CDC14A: variants seen among roughly 807,000 people sequenced by gnomAD.
CDC14A encodes dual specificity protein phosphatase CDC14A.
CDC14A carries 53 observed loss-of-function variants against 74.4 expected under a neutral mutation model. The ratio of observed to expected loss-of-function variants is 0.71; its 90% confidence interval spans 0.57 to 0.89. The LOEUF (loss-of-function observed/expected upper bound fraction) is 0.89, where lower values mean the gene tolerates loss of function less well. Ranked by LOEUF, CDC14A falls within the 40% of genes least tolerant of loss-of-function variation. CDC14A has a pLI of 0.00. For synonymous variants in CDC14A, 247 were observed against 258.4 expected, an observed-to-expected ratio of 0.96 and a Z score of 0.43; for missense variants, 646 against 713.7, an observed-to-expected ratio of 0.91 and a Z score of 1.08.
intron 8 of CDC14A, among the ~76,000 whole-genome samples, chr1:100,459,086 AACAC>A (rs751247467): frequency 1.0e-4 from 13 of 129,236 alleles, no homozygotes; most frequent in Non-Finnish European, 1.6e-4. Context: ...CTTCTATTTA[AACAC>A]ACACACACAC....
chr1:100,368,847 G>T (rs1431648155), intron 2 of CDC14A, among the ~76,000 whole-genome samples: 3 of 152,086 alleles, frequency 2.0e-5, no homozygotes, highest in African/African-American at 7.2e-5. Flanking sequence ...TGCGGTATTT[G>T]GTTTTCTATT....
intron 3 of CDC14A, among the ~76,000 whole-genome samples, chr1:100,385,097 A>G (rs1656656860): frequency 6.6e-6 from 1 of 152,226 alleles, no homozygotes; most frequent in African/African-American, 2.4e-5. Flanking sequence ...ATGCTTTTAA[A>G]AGGCTTATTG....
At chr1:100,356,410 G>A (rs1381801001) in intron 2 of CDC14A, among the ~76,000 whole-genome samples, 1 of 151,906 alleles carries the variant, frequency 6.6e-6, no homozygotes, top group South Asian at 2.1e-4. Flanking sequence ...AGAGAAGCTG[G>A]GTCACTTGCC....
chr1:100,514,999 G>A (rs1650068406), intron 15 of CDC14A, among the ~76,000 whole-genome samples: 1 of 152,142 alleles, frequency 6.6e-6, no homozygotes, highest in African/African-American at 2.4e-5. Context: ...TACAATACAT[G>A]GACATTTGGA....
intron 4 of CDC14A, among the ~76,000 whole-genome samples, chr1:100,413,625 A>G (rs566217283): frequency 6.6e-5 from 10 of 152,312 alleles, no homozygotes; most frequent in Middle Eastern, 3.4e-3. Flanking sequence ...AGCAACCCCC[A>G]CAAGTTTGGT....
At chr1:100,455,579 T>C in intron 8 of CDC14A, 87 bp downstream of exon 8, 2 of 788,938 alleles carry the variant, frequency 2.5e-6, no homozygotes, top group South Asian at 3.3e-5. Context: ...TTATTTTCTT[T>C]GGTAATATTC....
intron 4 of CDC14A, among the ~76,000 whole-genome samples, chr1:100,413,787 G>C (rs1661179690): frequency 6.6e-6 from 1 of 152,112 alleles, no homozygotes; most frequent in Non-Finnish European, 1.5e-5. Context: ...CCTCAGATTT[G>C]AAATCAGCTG....
At chr1:100,402,403 C>T (rs1317378046) in intron 4 of CDC14A, among the ~76,000 whole-genome samples, 4 of 152,144 alleles carry the variant, frequency 2.6e-5, no homozygotes, top group African/African-American at 4.8e-5. Flanking sequence ...AGAATATATA[C>T]AGAAACTGAA....
Position 100,498,646 on chromosome 1 carries a change from CTG to C in CDC14A, c.1422-280_1422-279del, listed in dbSNP as rs568892187. Among the ~76,000 whole-genome samples, 945 of 152,208 alleles carry C rather than the reference CTG, an allele frequency of 6.2e-3. 7 individuals carry two copies. The highest frequency in any genetic ancestry group is 9.8e-3 in the Non-Finnish European group (665 of 68,014). On this transcript the variant is annotated intron_variant, in intron 14 of 15. Coordinates refer to ENST00000336454, the MANE Select transcript of CDC14A (RefSeq NM_003672.4). ...TTCCCACCCCAGGGTAAATAAAACT[CTG>C]TGATGTTCTATTTCAAGATCTGTAG... is the stretch of plus-strand genomic sequence containing the variant.
At chr1:100,381,010 C>CGTTGATGAAT (rs1340231605) in intron 3 of CDC14A, among the ~76,000 whole-genome samples, 10 of 152,186 alleles carry the variant, frequency 6.6e-5, no homozygotes, top group Admixed American at 6.5e-4. Context: ...CTGTGCAGAT[C>CGTTGATGAAT]TGTATCGTTG....
chr1:100,457,482 A>G (rs1666825550), intron 8 of CDC14A, among the ~76,000 whole-genome samples: 1 of 152,088 alleles, frequency 6.6e-6, no homozygotes, highest in Non-Finnish European at 1.5e-5. Context: ...ATTTAGAGAC[A>G]GGCTCTTGCT....
At chr1:100,351,685 T>C, upstream of CDC14A, 1 of 1,479,194 alleles carries the variant, frequency 6.8e-7, no homozygotes, top group Non-Finnish European at 9.2e-7. Context: ...ACCGGAGCAC[T>C]GTAAAGATTA....
chr1:100,362,877 G>A (rs1320513135), intron 2 of CDC14A, among the ~76,000 whole-genome samples: 2 of 152,178 alleles, frequency 1.3e-5, no homozygotes, highest in Non-Finnish European at 2.9e-5. Context: ...CACGTGAGTG[G>A]GTTAAGGAGC....
At position 100,470,044 on chromosome 1, in the gene CDC14A, G is replaced by A. The variant is rs1252824781; in HGVS notation, c.977+1950G>A. ...AGAAAGTCCTCCAAAATGATATACAGATGGTGAATATTCCTCATGATCATA... is the reference window on the plus strand; with the variant it reads ...AGAAAGTCCTCCAAAATGATATACAAATGGTGAATATTCCTCATGATCATA... On this transcript the variant is annotated intron_variant, in intron 10 of 15. Coordinates refer to ENST00000336454, the MANE Select transcript of CDC14A (RefSeq NM_003672.4). Among the ~76,000 whole-genome samples the A allele has an allele frequency of 2.0e-5, 3 of 152,112 alleles. No individual in the cohort carries two copies. In the South Asian group the frequency reaches 6.2e-4, roughly 31 times the overall value.
chr1:100,354,438 A>G (rs998291919), intron 2 of CDC14A, among the ~76,000 whole-genome samples: 2 of 152,212 alleles, frequency 1.3e-5, no homozygotes, highest in Non-Finnish European at 2.9e-5. Context: ...CTTTGCTTCT[A>G]AGGAAATGAT....
intron 10 of CDC14A, among the ~76,000 whole-genome samples, chr1:100,469,888 A>G (rs1412783385): frequency 6.6e-6 from 1 of 152,230 alleles, no homozygotes; most frequent in Non-Finnish European, 1.5e-5. Flanking sequence ...AAGAGAAGAA[A>G]TTAGAGTTAT....
chr1:100,498,711 CT>C (rs1648247993), intron 14 of CDC14A, among the ~76,000 whole-genome samples: 1 of 152,302 alleles, frequency 6.6e-6, no homozygotes, highest in South Asian at 2.1e-4. Flanking sequence ...TCCTAGTTAA[CT>C]GCTTTTGACA....
intron 3 of CDC14A, among the ~76,000 whole-genome samples, chr1:100,389,522 G>T (rs1035778068): frequency 6.6e-6 from 1 of 151,726 alleles, no homozygotes; most frequent in Non-Finnish European, 1.5e-5. Context: ...TGCCTGACTT[G>T]GAGTGAAGAT....
intron 4 of CDC14A, among the ~76,000 whole-genome samples, chr1:100,404,852 C>CA (rs199750973): frequency 0.07 from 10,551 of 151,344 alleles, 791 homozygotes; most frequent in African/African-American, 0.18. Context: ...CAAAACAAAA[C>CA]AAAACAAAAC....
Sources: gnomAD v4.1 joint callset for allele counts (sites outside exome capture counted in the v4.1 genomes callset) on GRCh38, gnomAD v4.1.1 for gene constraint, MANE v1.5 for transcripts, NCBI Gene and HGNC (gene_info 2026-07-23, HGNC 2026-07-21) for gene names.